The following LRRC4C variants were observed in gnomAD, a reference collection of about 807,000 sequenced individuals.
LRRC4C encodes leucine rich repeat containing 4C.
A neutral mutation model predicts 33.6 loss-of-function variants in LRRC4C; 5 were observed. That is an observed-to-expected ratio of 0.15 (90% CI 0.08 to 0.31). The LOEUF is 0.31. Ranked by LOEUF, LRRC4C falls within the 10% of genes least tolerant of loss-of-function variation. LRRC4C has a pLI of 1.00. For missense variants in LRRC4C, 560 were observed against 796.7 expected (o/e 0.70, Z 3.58); for synonymous variants, 329 against 302.0 (o/e 1.09, Z -0.93).
chr11:40,211,479 G>T (rs1686798707), intron 5 of LRRC4C, among the ~76,000 whole-genome samples: 1 of 152,144 alleles, frequency 6.6e-6, no homozygotes, highest in African/African-American at 2.4e-5. Context: ...TGCTTCAAAA[G>T]AAGTAACTAT....
At chr11:40,887,009 C>T (rs1286257144) in intron 2 of LRRC4C, among the ~76,000 whole-genome samples, 1 of 150,378 alleles carries the variant, frequency 6.6e-6, no homozygotes, top group Non-Finnish European at 1.5e-5. Flanking sequence ...CACACACACA[C>T]ACACACACAT....
intron 2 of LRRC4C, among the ~76,000 whole-genome samples, chr11:40,890,965 G>A (rs905275068): frequency 1.3e-5 from 2 of 152,076 alleles, no homozygotes; most frequent in East Asian, 1.9e-4. Flanking sequence ...AGACTAGGTT[G>A]GGCATGGTGG....
chr11:40,238,473 A>G (rs1268885346), intron 5 of LRRC4C, among the ~76,000 whole-genome samples: 1 of 152,180 alleles, frequency 6.6e-6, no homozygotes, highest in Non-Finnish European at 1.5e-5. Flanking sequence ...TTTAGGCAAC[A>G]GCACCATCCA....
intron 3 of LRRC4C, among the ~76,000 whole-genome samples, chr11:40,554,357 C>CT (rs1462165018): frequency 6.6e-6 from 1 of 152,130 alleles, no homozygotes; most frequent in Non-Finnish European, 1.5e-5. Context: ...GTGTAGCATG[C>CT]TGTAGTCTTG....
intron 3 of LRRC4C, among the ~76,000 whole-genome samples, chr11:40,324,742 G>A (rs756596447): frequency 2.0e-5 from 3 of 152,182 alleles, no homozygotes; most frequent in Admixed American, 2.0e-4. Flanking sequence ...ACAGATTAGG[G>A]TAAAAATTAT....
chr11:40,346,675 C>G (rs887947888), intron 3 of LRRC4C, among the ~76,000 whole-genome samples: 1 of 152,174 alleles, frequency 6.6e-6, no homozygotes, highest in Non-Finnish European at 1.5e-5. Context: ...ATGTAACAAA[C>G]CTGCACATGT....
chr11:40,956,745 C>G (rs1592184856), intron 1 of LRRC4C, among the ~76,000 whole-genome samples: 1 of 151,732 alleles, frequency 6.6e-6, no homozygotes, highest in African/African-American at 2.4e-5. Flanking sequence ...TTATTTTGGG[C>G]TAGGACCCTC....
intron 5 of LRRC4C, among the ~76,000 whole-genome samples, chr11:40,147,664 G>T (rs1460351155): frequency 2.6e-5 from 4 of 151,932 alleles, no homozygotes; most frequent in East Asian, 3.9e-4. Context: ...AAAAGATGAG[G>T]TAGACATAAT....
At position 40,657,775 on chromosome 11, in the gene LRRC4C, G is replaced by A. The variant is rs117364066; in HGVS notation, c.-406-9497C>T. Among the ~76,000 whole-genome samples the A allele has an allele frequency of 4.6e-5, 7 of 152,308 alleles. No individual in the cohort carries two copies. In the East Asian group the frequency reaches 1.2e-3, roughly 25 times the overall value. On this transcript the variant is annotated intron_variant, in intron 2 of 6. Transcript: ENST00000528697. ...GCACATGTTGTCAGGACTCCCTGAG[G>A]CTGTGTCACAGGTGAGGGTCCTCAA...
intron 5 of LRRC4C, among the ~76,000 whole-genome samples, chr11:40,179,304 G>A (rs1400539142): frequency 6.6e-6 from 1 of 152,032 alleles, no homozygotes; most frequent in African/African-American, 2.4e-5. Flanking sequence ...ACACCCAGCT[G>A]GTCATCCCTT....
At chr11:40,277,703 G>T (rs1432966170) in intron 4 of LRRC4C, among the ~76,000 whole-genome samples, 4 of 152,042 alleles carry the variant, frequency 2.6e-5, no homozygotes, top group African/African-American at 9.7e-5. Context: ...GTAAGTCATT[G>T]AGCTTATTTG....
intron 1 of LRRC4C, among the ~76,000 whole-genome samples, chr11:41,164,015 G>A (rs1944603708): frequency 6.6e-6 from 1 of 152,002 alleles, no homozygotes; most frequent in African/African-American, 2.4e-5. Flanking sequence ...AGCCTATAGT[G>A]TGTAATGATT....
intron 1 of LRRC4C, among the ~76,000 whole-genome samples, chr11:41,250,817 T>G (rs548417212): frequency 6.6e-6 from 1 of 152,304 alleles, no homozygotes; most frequent in Admixed American, 6.5e-5. Flanking sequence ...CACTCATCAT[T>G]CTTGTTTTAT....
chr11:40,883,272 A>T (rs978240910), intron 2 of LRRC4C, among the ~76,000 whole-genome samples: 1 of 152,082 alleles, frequency 6.6e-6, no homozygotes, highest in Non-Finnish European at 1.5e-5. Flanking sequence ...GCAACTTTCC[A>T]GTCTTGAGTC....
At chr11:41,011,548 C>T (rs577658029) in intron 1 of LRRC4C, among the ~76,000 whole-genome samples, 14 of 152,020 alleles carry the variant, frequency 9.2e-5, no homozygotes, top group South Asian at 8.3e-4. Flanking sequence ...AAAGATAAAA[C>T]AGTACTTGCT....
At chr11:40,217,132 T>A (rs1864035757) in intron 5 of LRRC4C, among the ~76,000 whole-genome samples, 2 of 152,326 alleles carry the variant, frequency 1.3e-5, no homozygotes, top group South Asian at 2.1e-4. Context: ...ACAATTTTTT[T>A]ATCTATGTAC....
At chr11:40,342,366 G>T (rs1405895661) in intron 3 of LRRC4C, among the ~76,000 whole-genome samples, 1 of 152,302 alleles carries the variant, frequency 6.6e-6, no homozygotes, top group South Asian at 2.1e-4. Flanking sequence ...CTACTCAGGA[G>T]GCTGAGGCTG....
intron 3 of LRRC4C, among the ~76,000 whole-genome samples, chr11:40,337,149 A>G (rs1218579821): frequency 6.6e-6 from 1 of 152,154 alleles, no homozygotes; most frequent in Admixed American, 6.5e-5. Flanking sequence ...AAGGAATCAC[A>G]AGAGCAAAAC....
At chr11:40,272,326 A>G (rs1253338689) in intron 4 of LRRC4C, among the ~76,000 whole-genome samples, 1 of 152,154 alleles carries the variant, frequency 6.6e-6, no homozygotes, top group Non-Finnish European at 1.5e-5. Context: ...GGTAAAATGA[A>G]TATCTGAAAA....
Sources: allele counts gnomAD v4.1 joint callset (sites outside exome capture counted in the v4.1 genomes callset), GRCh38; gene constraint gnomAD v4.1.1; transcripts MANE v1.5; gene names NCBI Gene and HGNC (gene_info 2026-07-23, HGNC 2026-07-21).